Variants in NXPH1 observed in about 807,000 individuals in gnomAD.
NXPH1 encodes the protein neurexophilin 1.
In NXPH1, 5 loss-of-function variants were observed where a neutral mutation model predicts 23.7. The ratio of observed to expected loss-of-function variants is 0.21; its 90% CI spans 0.11 to 0.44. The LOEUF is 0.44. Among genes scored for constraint, NXPH1 ranks in the 20% least tolerant of loss-of-function variants. The pLI is 0.99. For missense variants in NXPH1, 324 were observed against 321.6 expected, an observed-to-expected ratio of 1.01 and a Z score of -0.06; for synonymous variants, 144 against 122.2, an observed-to-expected ratio of 1.18 and a Z score of -1.18.
In NXPH1 at chr7:8,455,595, T is replaced by C. The variant is rs17332154; in HGVS notation, c.54+19828T>C. Reference sequence around the variant, plus strand: ...ACAGCCTCGTGGCCTGCATTGCCATTACTGTCCAGAGAGAATGTTAATTCC... The same window carrying C: ...ACAGCCTCGTGGCCTGCATTGCCATCACTGTCCAGAGAGAATGTTAATTCC... On this transcript the variant is annotated intron_variant, in intron 2 of 2. Transcript: ENST00000405863. Among the ~76,000 whole-genome samples the C allele has an allele frequency of 5.7e-3, 874 of 152,008 alleles. 4 individuals are homozygous for C. The highest frequency in any genetic ancestry group is 9.8e-3 in the Non-Finnish European group (666 of 67,862).
intron 2 of NXPH1, among the ~76,000 whole-genome samples, chr7:8,719,316 A>T (rs1779927861): frequency 1.3e-5 from 2 of 152,288 alleles, no homozygotes; most frequent in Admixed American, 1.3e-4. Flanking sequence ...GTGCTCCAAG[A>T]GCTGATGATG....
chr7:8,747,678 G>A (rs1383110413), intron 2 of NXPH1, among the ~76,000 whole-genome samples: 1 of 152,136 alleles, frequency 6.6e-6, no homozygotes, highest in Admixed American at 6.5e-5. Flanking sequence ...TTTATACTGA[G>A]GCATAAATGT....
chr7:8,712,951 T>C (rs1233861112), intron 2 of NXPH1, among the ~76,000 whole-genome samples: 1 of 152,212 alleles, frequency 6.6e-6, no homozygotes, highest in Non-Finnish European at 1.5e-5. Context: ...TACTTGAATA[T>C]TGATATCTTT....
chr7:8,593,227 A>T (rs1819139984), intron 2 of NXPH1, among the ~76,000 whole-genome samples: 1 of 150,322 alleles, frequency 6.7e-6, no homozygotes, highest in Non-Finnish European at 1.5e-5. Context: ...ATGGACTTAC[A>T]GGAGGCATTC....
intron 2 of NXPH1, among the ~76,000 whole-genome samples, chr7:8,522,647 T>A (rs1225935779): frequency 6.6e-6 from 1 of 152,178 alleles, no homozygotes; most frequent in African/African-American, 2.4e-5. Flanking sequence ...GTCATTTAGA[T>A]TAATTTCCTC....
chr7:8,559,042 C>T (rs1346695190), intron 2 of NXPH1, among the ~76,000 whole-genome samples: 1 of 151,700 alleles, frequency 6.6e-6, no homozygotes, highest in Non-Finnish European at 1.5e-5. Flanking sequence ...TCATAGCTTA[C>T]TATAACCTTC....
intron 2 of NXPH1, among the ~76,000 whole-genome samples, chr7:8,450,956 C>T (rs762494121): frequency 6.6e-6 from 1 of 152,192 alleles, no homozygotes; most frequent in Admixed American, 6.5e-5. Flanking sequence ...TTTAGCACTT[C>T]ATTGTAGATT....
rs80081865 is a variant in NXPH1 at position 8,630,600 on chromosome 7, C to T, written c.55-120408C>T. Among the ~76,000 whole-genome samples the T allele has an allele frequency of 3.9e-3, 597 of 152,186 alleles. 5 individuals carry two copies. The highest frequency in any genetic ancestry group is 0.014 in the African/African-American group (576 of 41,548). On this transcript the variant is annotated intron_variant, in intron 2 of 2. Coordinates refer to ENST00000405863, the MANE Select transcript of NXPH1 (RefSeq NM_152745.3). Reference sequence around the variant, plus strand: ...TTCAACATTCTAAGTTGTCATTTTACGAGGAAAAGAAACATGCCCAATGTA... The same window carrying T: ...TTCAACATTCTAAGTTGTCATTTTATGAGGAAAAGAAACATGCCCAATGTA...
intron 2 of NXPH1, among the ~76,000 whole-genome samples, chr7:8,640,991 G>T (rs1415086877): frequency 6.6e-6 from 1 of 151,948 alleles, no homozygotes; most frequent in Admixed American, 6.6e-5. Flanking sequence ...TTTAAAAAGT[G>T]TTATTTATAT....
At chr7:8,512,267 AT>A (rs1488468018) in intron 2 of NXPH1, among the ~76,000 whole-genome samples, 1 of 152,184 alleles carries the variant, frequency 6.6e-6, no homozygotes, top group Admixed American at 6.5e-5. Flanking sequence ...GGAAGGGGTT[AT>A]GAGCTAGATC....
intron 2 of NXPH1, among the ~76,000 whole-genome samples, chr7:8,619,234 A>C (rs1217696477): frequency 1.3e-5 from 2 of 152,178 alleles, no homozygotes; most frequent in African/African-American, 4.8e-5. Context: ...GAAAGAAATT[A>C]GGTCCTCTGT....
At chr7:8,545,102 G>T (rs770871804) in intron 2 of NXPH1, among the ~76,000 whole-genome samples, 4 of 151,480 alleles carry the variant, frequency 2.6e-5, no homozygotes, top group African/African-American at 9.7e-5. Context: ...GCAGCTACCA[G>T]GGAAATGTCT....
chr7:8,641,450 C>CTT (rs148083924), intron 2 of NXPH1, among the ~76,000 whole-genome samples: 2 of 150,154 alleles, frequency 1.3e-5, no homozygotes, highest in East Asian at 1.9e-4. Flanking sequence ...TAAATCTGAA[C>CTT]TTTTTTTTTT....
rs139159339 is a variant in NXPH1, at chr7:8,493,934, G to C, written c.54+58167G>C. 3.2e-3 allele frequency among the ~76,000 whole-genome samples: 487 copies of C among 152,050 alleles called. 3 individuals are homozygous for C. The highest frequency in any genetic ancestry group is 0.011 in the African/African-American group (463 of 41,538). On this transcript the variant is annotated intron_variant, in intron 2 of 2. Transcript: ENST00000405863. ...GGATGGGATATTTTATCATGTTTTT[G>C]TTCACTCAAATAAGAAAAGGGATCC...
At chr7:8,654,201 T>G (rs1041458990) in intron 2 of NXPH1, among the ~76,000 whole-genome samples, 1 of 152,218 alleles carries the variant, frequency 6.6e-6, no homozygotes, top group Non-Finnish European at 1.5e-5. Flanking sequence ...GAAACTTTTT[T>G]TTTTTGTAAA....
chr7:8,596,449 C>T (rs541862733), intron 2 of NXPH1, among the ~76,000 whole-genome samples: 1 of 152,066 alleles, frequency 6.6e-6, no homozygotes, highest in South Asian at 2.1e-4. Flanking sequence ...ACATCAACCA[C>T]TGCCAAAGTG....
chr7:8,650,499 G>A (rs925469159), intron 2 of NXPH1, among the ~76,000 whole-genome samples: 8 of 152,182 alleles, frequency 5.3e-5, no homozygotes, highest in Non-Finnish European at 8.8e-5. Flanking sequence ...AAGTCAGGTA[G>A]TTTATACATT....
At chr7:8,481,236 T>C (rs1817067359) in intron 2 of NXPH1, among the ~76,000 whole-genome samples, 1 of 152,206 alleles carries the variant, frequency 6.6e-6, no homozygotes, top group South Asian at 2.1e-4. Context: ...AGAAGCTGCA[T>C]CATGAATAAT....
At chr7:8,600,922 C>T (rs1819344460) in intron 2 of NXPH1, among the ~76,000 whole-genome samples, 1 of 149,188 alleles carries the variant, frequency 6.7e-6, no homozygotes, top group Admixed American at 6.7e-5. Flanking sequence ...AATGTGTAGA[C>T]CTTTTTTTTT....
Sources: allele counts gnomAD v4.1 joint callset (sites outside exome capture counted in the v4.1 genomes callset), GRCh38; gene constraint gnomAD v4.1.1; transcripts MANE v1.5; gene names NCBI Gene and HGNC (gene_info 2026-07-23, HGNC 2026-07-21).